C19orf44: variants seen among roughly 807,000 people sequenced by gnomAD.
C19orf44 encodes chromosome 19 open reading frame 44, also known as uncharacterized protein C19orf44.
In C19orf44, 43 loss-of-function variants were observed where a neutral mutation model predicts 50.7. The ratio of observed to expected loss-of-function variants is 0.85; its 90% confidence interval spans 0.66 to 1.09. C19orf44 has a LOEUF of 1.09. C19orf44 is among the 50% of genes least tolerant of loss of function. The probability of loss-of-function intolerance (pLI) is 0.00; values close to 1 mark genes in which losing one functional copy is unlikely to be tolerated. For missense variants in C19orf44, 722 were observed against 836.2 expected (o/e 0.86, Z 1.68); for synonymous variants, 298 against 334.7 (o/e 0.89, Z 1.20).
chr19:16,506,820 C>A, intron 4 of C19orf44, 46 bp downstream of exon 4: 1 of 1,399,874 alleles, frequency 7.1e-7, no homozygotes, highest in Non-Finnish European at 9.8e-7. Context: ...TTTTTGGCTT[C>A]AACATTTTTT....
In C19orf44 at chr19:16,501,296, G is replaced by A. The variant is rs1359714077; in HGVS notation, c.504G>A (p.Ala168=). The change falls in exon 2 of 9, where the codon GCG becomes GCA. Residue 168 remains alanine (A), a synonymous_variant. Transcript: ENST00000221671. ...LPVTENNAQN[A]KVSRFLKKKQ... is the part of the protein sequence containing the mutation. ...TCACCGAAAATAATGCACAGAACGCGAAGGTCAGTAGGTTTCTAAAGAAGA... is the reference window on the plus strand; with the variant it reads ...TCACCGAAAATAATGCACAGAACGCAAAGGTCAGTAGGTTTCTAAAGAAGA... The A allele has an allele frequency of 7.4e-6, 12 of 1,614,134 alleles. No individual in the cohort carries two copies. The highest frequency in any genetic ancestry group is 3.3e-4 in the Middle Eastern group (2 of 6,062).
At chr19:16,515,929 TGTG>T (rs1189721226) in intron 7 of C19orf44, among the ~76,000 whole-genome samples, 5 of 152,158 alleles carry the variant, frequency 3.3e-5, no homozygotes, top group Non-Finnish European at 5.9e-5. Context: ...CCTGAGTAGC[TGTG>T]ATTACAGGTG....
chr19:16,512,472 C>T (rs577539100), intron 5 of C19orf44, among the ~76,000 whole-genome samples: 11 of 152,032 alleles, frequency 7.2e-5, no homozygotes, highest in South Asian at 4.2e-4. Context: ...CACCGTGAGC[C>T]GGAGCCACCG....
In C19orf44 at chr19:16,501,289, A is replaced by G; in HGVS notation, c.497A>G (p.Gln166Arg). The G allele has an allele frequency of 6.2e-7, 1 of 1,614,226 alleles. No homozygotes were observed. Among genetic ancestry groups the G allele is most frequent in the African/African-American group, 1.3e-5 (1 of 75,058 alleles). ...CTTCCTGTCACCGAAAATAATGCACAGAACGCGAAGGTCAGTAGGTTTCTA... is the reference window on the plus strand; with the variant it reads ...CTTCCTGTCACCGAAAATAATGCACGGAACGCGAAGGTCAGTAGGTTTCTA... ...RELPVTENNA[Q>R]NAKVSRFLKK... The change falls in exon 2 of 9, where the codon CAG (glutamine) becomes CGG (arginine). Residue 166 changes from glutamine (Q) to arginine (R), a missense_variant. Gln to Arg is a conservative substitution (Grantham distance 43). Coordinates refer to ENST00000221671, the MANE Select transcript of C19orf44 (RefSeq NM_032207.4).
chr19:16,520,399 G>C lies in C19orf44; in HGVS notation c.*346G>C, dbSNP rs754715517. 1 of 1,614,126 alleles carries C rather than the reference G, an allele frequency of 6.2e-7. No individual in the cohort carries two copies. Among genetic ancestry groups the C allele is most frequent in the Admixed American group, 1.7e-5 (1 of 60,010 alleles). ...AGCGGGAGTAGGAACGGGAGCAGGAGCGCGACCTTGACCTTGAGTACGAGC... is the reference window on the plus strand; with the variant it reads ...AGCGGGAGTAGGAACGGGAGCAGGACCGCGACCTTGACCTTGAGTACGAGC... On this transcript the variant is annotated 3_prime_UTR_variant, in exon 9 of 9. Transcript: ENST00000221671. This position sits in a 1 kb window ranked among gnomAD's most constrained non-coding sequence, Gnocchi z 4.0.
At chr19:16,506,323 G>A (rs1299186519) in intron 3 of C19orf44, among the ~76,000 whole-genome samples, 1 of 152,076 alleles carries the variant, frequency 6.6e-6, no homozygotes, top group Admixed American at 6.5e-5. Flanking sequence ...GCTGGCTGCG[G>A]TGGCTCACAC....
chr19:16,500,606 G>A (rs2122171905), intron 1 of C19orf44, among the ~76,000 whole-genome samples, 186 bp from the exon 2 acceptor site: 1 of 152,040 alleles, frequency 6.6e-6, no homozygotes, highest in Non-Finnish European at 1.5e-5. Flanking sequence ...GCCTCCCAAA[G>A]TGCTGGGATT....
In C19orf44 at chr19:16,501,190, G is replaced by C; in HGVS notation, c.398G>C (p.Arg133Thr). ...ADAGLPKRAD[R>T]ILSGGALELA... is the part of the protein sequence containing the mutation. ...GCTGGTCTTCCAAAGAGAGCTGACAGAATCCTCTCTGGGGGTGCACTCGAA... is the reference window on the plus strand; with the variant it reads ...GCTGGTCTTCCAAAGAGAGCTGACACAATCCTCTCTGGGGGTGCACTCGAA... Residue 133 changes from arginine (R) to threonine (T), a missense_variant, in exon 2 of 9, where the codon AGA becomes ACA. Physicochemically the swap from Arg to Thr is moderately conservative, Grantham distance 71. Coordinates refer to ENST00000221671, the MANE Select transcript of C19orf44 (RefSeq NM_032207.4). 1 of 1,614,106 alleles carries C rather than the reference G, an allele frequency of 6.2e-7. No homozygotes were observed. Among genetic ancestry groups the C allele is most frequent in the Non-Finnish European group, 8.5e-7 (1 of 1,180,024 alleles).
chr19:16,513,850 C>G (rs1039470335), intron 6 of C19orf44, among the ~76,000 whole-genome samples: 6 of 152,208 alleles, frequency 3.9e-5, no homozygotes, highest in African/African-American at 7.2e-5. Flanking sequence ...AGGCTCCAGT[C>G]CAGCCTGAGG....
In C19orf44 at chr19:16,503,218, A is replaced by G. The variant is rs1400733589; in HGVS notation, c.913A>G (p.Ser305Gly). Residue 305 changes from serine to glycine, a missense_variant, in exon 3 of 9, where the codon AGT (serine) becomes GGT (glycine). Ser to Gly is a moderately conservative substitution (Grantham distance 56). Transcript: ENST00000221671. ...RADYPQSHVS[S>G]DTASHTPSVS... ...AGACTACCCACAGAGTCACGTTTCC[A>G]GTGACACCGCCTCCCACACGCCGTC... 2 of 1,614,114 alleles carry G rather than the reference A, an allele frequency of 1.2e-6. No individual in the cohort carries two copies. The highest frequency in any genetic ancestry group is 1.7e-6 in the Non-Finnish European group (2 of 1,180,018).
Position 16,521,019 on chromosome 19 carries a change from C to CTG in C19orf44, c.*969_*970dup. 2 of 941,932 alleles carry CTG rather than the reference C, an allele frequency of 2.1e-6. No individual in the cohort carries two copies. Among genetic ancestry groups the CTG allele is most frequent in the Non-Finnish European group, 1.7e-6 (1 of 587,024 alleles). The allele number at this position is 941,932 out of a possible 1,614,324, so 58.3% of individuals were successfully genotyped here. A position where few individuals can be genotyped will look rare whatever the true frequency, so the allele number is the denominator to read the frequency against. On this transcript the variant is annotated 3_prime_UTR_variant, in exon 9 of 9. Coordinates refer to ENST00000221671, the MANE Select transcript of C19orf44 (RefSeq NM_032207.4). ...ACAGAACCTTGGAGAGTACATGGCC[C>CTG]TGTGGCTGTGGGCTCCGAGCATGGG...
At position 16,520,855 on chromosome 19, in the gene C19orf44, C is replaced by T. The variant is rs756701707; in HGVS notation, c.*802C>T. 3 of 1,613,946 alleles carry T rather than the reference C, an allele frequency of 1.9e-6. No individual in the cohort carries two copies. Among genetic ancestry groups the T allele is most frequent in the South Asian group, 2.2e-5 (2 of 91,090 alleles). On this transcript the variant is annotated 3_prime_UTR_variant, in exon 9 of 9. Coordinates refer to ENST00000221671, the MANE Select transcript of C19orf44 (RefSeq NM_032207.4). This position sits in a 1 kb window ranked among gnomAD's most constrained non-coding sequence, Gnocchi z 4.0. ...TCCTCTTCTCCTGGCCTTTCCTCCG[C>T]CGGGCCCGCATTTTTGCTCGGAAGA...
intron 5 of C19orf44, 85 bp from the exon 6 acceptor site, chr19:16,512,929 A>C (rs1483520343): frequency 9.5e-7 from 1 of 1,049,910 alleles, no homozygotes; most frequent in African/African-American, 1.6e-5. Flanking sequence ...AAGGTCACGT[A>C]GTTTATTCCA....
At chr19:16,507,783 C>T (rs142001295) in intron 4 of C19orf44, among the ~76,000 whole-genome samples, 2,332 of 151,240 alleles carry the variant, frequency 0.015, 56 homozygotes, top group African/African-American at 0.053. Flanking sequence ...TGAGCCACTG[C>T]GCCTGGCCTA....
At chr19:16,501,605 T>C in intron 2 of C19orf44, 54 bp downstream of exon 2, 1 of 1,224,966 alleles carries the variant, frequency 8.2e-7, no homozygotes, top group East Asian at 3.0e-5. Flanking sequence ...TTTAATTTTT[T>C]TTTTGAGATG....
Position 16,519,521 on chromosome 19 carries a change from A to G in C19orf44, c.*41-573A>G. 3.9e-6 allele frequency: 5 copies of G among 1,295,828 alleles called. No homozygotes were observed. Among genetic ancestry groups the G allele is most frequent in the Non-Finnish European group, 5.6e-6 (5 of 899,456 alleles). 80.3% of individuals were successfully genotyped at this position (1,295,828 alleles called of 1,614,324 possible). A position where few individuals can be genotyped will look rare whatever the true frequency, so the allele number is the denominator to read the frequency against. On this transcript the variant is annotated intron_variant, in intron 8 of 8. Transcript: ENST00000221671. The surrounding 1 kb of genome is among the most constrained non-coding windows in gnomAD (Gnocchi z 6.0). ...GTGGAGTCAGAACCGGCCTGACTCC[A>G]TCCATCCCCACATGCACTGAGGAAG...
In C19orf44 at chr19:16,501,290, G is replaced by C. The variant is rs2093424666; in HGVS notation, c.498G>C (p.Gln166His). Residue 166 changes from glutamine (Q) to histidine (H), a missense_variant, in exon 2 of 9, where the codon CAG (glutamine) becomes CAC (histidine). Transcript: ENST00000221671. ...TTCCTGTCACCGAAAATAATGCACA[G>C]AACGCGAAGGTCAGTAGGTTTCTAA... ...RELPVTENNA[Q>H]NAKVSRFLKK... 1 of 1,614,022 alleles carries C rather than the reference G, an allele frequency of 6.2e-7. No homozygotes were observed. Among genetic ancestry groups the C allele is most frequent in the Admixed American group, 1.7e-5 (1 of 59,970 alleles).
chr19:16,505,288 A>C (rs986158447), intron 3 of C19orf44, among the ~76,000 whole-genome samples: 21 of 150,450 alleles, frequency 1.4e-4, no homozygotes, highest in Non-Finnish European at 1.5e-5. Context: ...ATCTTGGCTC[A>C]CTGCAACTTC....
intron 6 of C19orf44, 92 bp from the exon 7 acceptor site, chr19:16,514,405 C>A: frequency 7.8e-7 from 1 of 1,277,386 alleles, no homozygotes; most frequent in Non-Finnish European, 1.1e-6. Flanking sequence ...AAAAAGATTT[C>A]AGAGAGCAGC....
Sources: allele counts gnomAD v4.1 joint callset (sites outside exome capture counted in the v4.1 genomes callset), GRCh38; gene constraint gnomAD v4.1.1; non-coding constraint Gnocchi (gnomAD v3.1); transcripts MANE v1.5; gene names NCBI Gene and HGNC (gene_info 2026-07-23, HGNC 2026-07-21).